SLC25A13: variants seen among roughly 807,000 people sequenced by gnomAD.
SLC25A13 encodes the protein electrogenic aspartate/glutamate antiporter SLC25A13, mitochondrial.
In SLC25A13, 70 loss-of-function variants were observed where a neutral mutation model predicts 85.5. That is an observed-to-expected ratio of 0.82 (90% CI 0.68 to 1.00). The LOEUF (loss-of-function observed/expected upper bound fraction) is 1.00, where lower values mean the gene tolerates loss of function less well. Ranked by LOEUF, SLC25A13 falls within the 50% of genes least tolerant of loss-of-function variation. The pLI is 0.00. For missense variants in SLC25A13, 765 were observed against 819.8 expected (o/e 0.93, Z 0.82); for synonymous variants, 259 against 288.7 (o/e 0.90, Z 1.04).
chr7:96,222,765 C>T (rs1243724774), intron 4 of SLC25A13, among the ~76,000 whole-genome samples: 2 of 151,988 alleles, frequency 1.3e-5, no homozygotes, highest in African/African-American at 2.4e-5. Flanking sequence ...TTTAATAATT[C>T]GTTAGTTACT....
chr7:96,162,948 T>C (rs1293549073), intron 13 of SLC25A13, among the ~76,000 whole-genome samples: 1 of 152,046 alleles, frequency 6.6e-6, no homozygotes, highest in East Asian at 1.9e-4. Context: ...AGAAGCAATC[T>C]AGAGAATGAA....
intron 3 of SLC25A13, among the ~76,000 whole-genome samples, chr7:96,254,917 T>C (rs1391443971): frequency 6.6e-6 from 1 of 152,202 alleles, no homozygotes; most frequent in Non-Finnish European, 1.5e-5. Context: ...TTCTGTTGTA[T>C]AGTTTTGATT....
chr7:96,164,616 T>G (rs1793661062), intron 13 of SLC25A13, among the ~76,000 whole-genome samples: 1 of 152,054 alleles, frequency 6.6e-6, no homozygotes, highest in Non-Finnish European at 1.5e-5. Flanking sequence ...CCAAACCGAC[T>G]AAAAGCCCAT....
rs143706021 is a variant in SLC25A13 at position 96,121,951 on chromosome 7, C to T, written c.1638G>A (p.Thr546=). 3.5e-5 allele frequency: 57 copies of T among 1,614,028 alleles called. No homozygotes were observed. The highest frequency in any genetic ancestry group is 6.7e-5 in the Admixed American group (4 of 59,992). ...SLVTPADVIK[T]RLQVAARAGQ... is the part of the protein sequence containing the mutation. ...CAGCCCGGGCAGCCACCTGTAATCT[C>T]GTCTTGATAACATCAGCAGGGGTCA... The change falls in exon 16 of 18, where the codon ACG becomes ACA. Residue 546 remains threonine (T), a synonymous_variant. Coordinates refer to ENST00000265631, the MANE Select transcript of SLC25A13 (RefSeq NM_014251.3).
intron 1 of SLC25A13, among the ~76,000 whole-genome samples, chr7:96,313,537 C>T (rs866432676): frequency 6.6e-6 from 1 of 152,164 alleles, no homozygotes; most frequent in Non-Finnish European, 1.5e-5. Context: ...CACATGTTCT[C>T]ACTTATAAGT....
rs139959698 is a variant in SLC25A13, at chr7:96,156,383, G to A, written c.1312-9687C>T. On this transcript the variant is annotated intron_variant, in intron 13 of 17. Coordinates refer to ENST00000265631, the MANE Select transcript of SLC25A13 (RefSeq NM_014251.3). The stretch of plus-strand genomic sequence containing the variant: ...GCAAACTCAGCTCACTGTAACCTTC[G>A]CCTCCCAGGTTCAAGAGATTCTCGT... 2.2e-3 allele frequency among the ~76,000 whole-genome samples: 342 copies of A among 152,168 alleles called. 10 individuals are homozygous for A. Among genetic ancestry groups the A allele is most frequent in the Admixed American group, 0.017 (256 of 15,292 alleles).
rs1452316632 is a variant in SLC25A13 at position 96,275,504 on chromosome 7, G to T, written c.212+1692C>A. On this transcript the variant is annotated intron_variant, in intron 3 of 17. Coordinates refer to ENST00000265631, the MANE Select transcript of SLC25A13 (RefSeq NM_014251.3). ...TCAACCCAAATGTCCATCAATGATA[G>T]ACTGGATTAAGAAAATGTGGCACAT... Among the ~76,000 whole-genome samples, 4 of 152,324 alleles carry T rather than the reference G, an allele frequency of 2.6e-5. No individual in the cohort carries two copies. The East Asian group carries it at 7.7e-4, about 29-fold the overall frequency.
chr7:96,219,228 G>A (rs894622966), intron 4 of SLC25A13, among the ~76,000 whole-genome samples: 2 of 152,098 alleles, frequency 1.3e-5, no homozygotes, highest in East Asian at 3.9e-4. Flanking sequence ...CATTAAAATT[G>A]AGTTCTCTAT....
chr7:96,171,472 T>C lies in SLC25A13; in HGVS notation c.1230A>G (p.Thr410=), dbSNP rs150021522. ...GVAPEKAIKL[T]VNDFVRDKFM... ...AGAAGCACCAACTCAAAAGACTTAC[T>C]GTAAGTTTTATGGCCTTCTCTGGGG... Residue 410 remains threonine (T), a splice_region_variant and synonymous_variant, in exon 12 of 18, where the codon ACA becomes ACG. Transcript: ENST00000265631. The C allele has an allele frequency of 6.2e-7, 1 of 1,612,830 alleles. No homozygotes were observed. Among genetic ancestry groups the C allele is most frequent in the Admixed American group, 1.7e-5 (1 of 60,002 alleles).
rs575743135 is a variant in SLC25A13, at chr7:96,154,560, G to C, written c.1312-7864C>G. On this transcript the variant is annotated intron_variant, in intron 13 of 17. Coordinates refer to ENST00000265631, the MANE Select transcript of SLC25A13 (RefSeq NM_014251.3). ...GATCTGCCTGCCTCAGCCCCCCAGA[G>C]TGCTGGGATTACAGGCGTGAGCCAC... Among the ~76,000 whole-genome samples, 5 of 152,252 alleles carry C rather than the reference G, an allele frequency of 3.3e-5. No homozygotes were observed. In the East Asian group the frequency reaches 5.8e-4, roughly 18 times the overall value.
chr7:96,318,049 C>G (rs947000645), intron 1 of SLC25A13, among the ~76,000 whole-genome samples: 1 of 152,174 alleles, frequency 6.6e-6, no homozygotes, highest in Non-Finnish European at 1.5e-5. Context: ...TCAATGATCA[C>G]AGCAACAACT....
At chr7:96,233,596 C>T (rs1412040897) in intron 4 of SLC25A13, among the ~76,000 whole-genome samples, 1 of 152,090 alleles carries the variant, frequency 6.6e-6, no homozygotes. Flanking sequence ...GGGGTTGGCA[C>T]AATAAATCTA....
At chr7:96,174,860 T>C (rs1442508018) in intron 11 of SLC25A13, among the ~76,000 whole-genome samples, 5 of 152,302 alleles carry the variant, frequency 3.3e-5, no homozygotes, top group East Asian at 3.9e-4. Flanking sequence ...GAAAACCCCG[T>C]ATTTAAGACT....
chr7:96,132,888 C>T (rs1792095200), intron 14 of SLC25A13, among the ~76,000 whole-genome samples: 1 of 152,176 alleles, frequency 6.6e-6, no homozygotes, highest in Non-Finnish European at 1.5e-5. Context: ...ATGCTCCAAA[C>T]TGTCAAAGTT....
intron 11 of SLC25A13, among the ~76,000 whole-genome samples, chr7:96,172,211 T>A (rs1794032492): frequency 6.6e-6 from 1 of 152,088 alleles, no homozygotes; most frequent in South Asian, 2.1e-4. Flanking sequence ...AACCTATAAG[T>A]GTGTTTTATT....
intron 13 of SLC25A13, among the ~76,000 whole-genome samples, chr7:96,153,559 C>T (rs1793132162): frequency 1.3e-5 from 2 of 152,204 alleles, no homozygotes; most frequent in Non-Finnish European, 2.9e-5. Flanking sequence ...CTGCAGGGGA[C>T]CCAGAGCTGC....
chr7:96,301,235 T>G (rs1799538140), intron 1 of SLC25A13, among the ~76,000 whole-genome samples: 1 of 152,222 alleles, frequency 6.6e-6, no homozygotes, highest in African/African-American at 2.4e-5. Context: ...CCTGGAATTA[T>G]TAGACTTCGT....
chr7:96,169,890 C>T (rs1436962993), intron 13 of SLC25A13, 155 bp downstream of exon 13: 3 of 746,574 alleles, frequency 4.0e-6, no homozygotes, highest in East Asian at 2.5e-5. Context: ...TGGAATGGTT[C>T]GCCTGTCTAG....
chr7:96,290,251 G>T (rs923124021), intron 2 of SLC25A13, among the ~76,000 whole-genome samples: 3 of 152,118 alleles, frequency 2.0e-5, no homozygotes, highest in Non-Finnish European at 4.4e-5. Context: ...CACCAGGCCT[G>T]CCCTAAAAGA....
Sources: gnomAD v4.1 joint callset for allele counts (sites outside exome capture counted in the v4.1 genomes callset) on GRCh38, gnomAD v4.1.1 for gene constraint, MANE v1.5 for transcripts, NCBI Gene and HGNC (gene_info 2026-07-23, HGNC 2026-07-21) for gene names.